SYT14: variants seen among roughly 807,000 people sequenced by gnomAD.
SYT14 encodes the protein synaptotagmin 14.
SYT14 carries 32 observed loss-of-function variants against 74.2 expected under a neutral mutation model. The observed-to-expected ratio is 0.43, with a 90% confidence interval of 0.33 to 0.58. The LOEUF is 0.58. Ranked by LOEUF, SYT14 falls within the 20% of genes least tolerant of loss-of-function variation. SYT14 has a pLI of 0.05. For missense variants in SYT14, 791 were observed against 981.8 expected (o/e 0.81, Z 2.60); for synonymous variants, 298 against 337.7 (o/e 0.88, Z 1.29).
At chr1:210,040,335 AG>A (rs1410097233) in intron 5 of SYT14, among the ~76,000 whole-genome samples, 5 of 152,032 alleles carry the variant, frequency 3.3e-5, no homozygotes, top group Admixed American at 3.3e-4. Context: ...ACATGGACAC[AG>A]GGAGGGGAAC....
intron 5 of SYT14, among the ~76,000 whole-genome samples, chr1:210,088,880 A>G (rs1319898222): frequency 6.6e-6 from 1 of 151,188 alleles, no homozygotes; most frequent in Non-Finnish European, 1.5e-5. Context: ...TCTCTTCAGG[A>G]TATTTTTTTT....
chr1:210,160,678 T>A (rs2083354741), intron 9 of SYT14, 51 bp from the exon 9 acceptor site: 1 of 1,542,996 alleles, frequency 6.5e-7, no homozygotes, highest in South Asian at 1.2e-5. Flanking sequence ...AAAAATTGTT[T>A]TGAGTTTGTT....
chr1:209,974,081 G>C (rs1465373818), intron 2 of SYT14, among the ~76,000 whole-genome samples: 2 of 150,818 alleles, frequency 1.3e-5, no homozygotes, highest in Non-Finnish European at 3.0e-5. Context: ...TTGTAAATTT[G>C]TTTGAGTTCA....
chr1:209,966,095 C>T (rs191227890), intron 2 of SYT14: 9 of 352,884 alleles, frequency 2.6e-5, no homozygotes, highest in Admixed American at 1.8e-4. Flanking sequence ...TGGTCTCGAT[C>T]GCTTGATCTC....
At chr1:210,158,587 G>A (rs371734611) in intron 8 of SYT14, among the ~76,000 whole-genome samples, 1 of 152,166 alleles carries the variant, frequency 6.6e-6, no homozygotes, top group Non-Finnish European at 1.5e-5. Context: ...GGGAGGTCTG[G>A]CCAAGCGCAG....
chr1:210,045,395 A>G (rs1406622399), intron 5 of SYT14, among the ~76,000 whole-genome samples: 1 of 152,178 alleles, frequency 6.6e-6, no homozygotes, highest in East Asian at 1.9e-4. Context: ...TTACATTTCA[A>G]ATTAACACAC....
intron 2 of SYT14, among the ~76,000 whole-genome samples, chr1:209,990,803 C>T (rs935309262): frequency 3.3e-5 from 5 of 151,738 alleles, no homozygotes; most frequent in Non-Finnish European, 7.4e-5. Flanking sequence ...GTTTCTTTCA[C>T]ATTCTTGTCA....
At chr1:210,088,353 T>G (rs2081784784) in intron 5 of SYT14, among the ~76,000 whole-genome samples, 1 of 150,476 alleles carries the variant, frequency 6.6e-6, no homozygotes, top group Admixed American at 6.6e-5. Flanking sequence ...TCCCCTAGCC[T>G]CCCACTTGCT....
intron 2 of SYT14, among the ~76,000 whole-genome samples, chr1:210,002,145 T>C (rs1487935985): frequency 6.6e-6 from 1 of 152,180 alleles, no homozygotes; most frequent in Non-Finnish European, 1.5e-5. Flanking sequence ...TATACATTTT[T>C]TTAGTTCTTT....
At chr1:210,094,437 C>T in exon 6 of SYT14, 1 of 1,613,918 alleles carries the variant, frequency 6.2e-7, no homozygotes, top group Non-Finnish European at 8.5e-7. Flanking sequence ...AAATTGGGGA[C>T]AGTAAATGTG....
intron 1 of SYT14, among the ~76,000 whole-genome samples, chr1:209,940,740 G>A (rs1445675679): frequency 6.6e-6 from 1 of 152,116 alleles, no homozygotes; most frequent in Non-Finnish European, 1.5e-5. Context: ...TCTGCCATTT[G>A]AAGACAGCTC....
intron 2 of SYT14, among the ~76,000 whole-genome samples, chr1:209,961,192 A>G (rs1359913173): frequency 6.6e-6 from 1 of 151,978 alleles, no homozygotes; most frequent in Non-Finnish European, 1.5e-5. Context: ...TGTTTCAGTT[A>G]TTTCTTTTGG....
intron 7 of SYT14, among the ~76,000 whole-genome samples, chr1:210,118,869 A>G (rs2082406953): frequency 6.6e-6 from 1 of 152,188 alleles, no homozygotes; most frequent in Non-Finnish European, 1.5e-5. Context: ...TTACAAATGA[A>G]AGAAATAGCA....
intron 1 of SYT14, among the ~76,000 whole-genome samples, chr1:209,943,010 A>G (rs2078760918): frequency 6.6e-6 from 1 of 152,180 alleles, no homozygotes; most frequent in African/African-American, 2.4e-5. Flanking sequence ...AATAATGAGA[A>G]GAATACTGAG....
chr1:209,976,499 T>C (rs2079367775), intron 2 of SYT14, among the ~76,000 whole-genome samples: 1 of 152,066 alleles, frequency 6.6e-6, no homozygotes, highest in South Asian at 2.1e-4. Flanking sequence ...TCAGTTTCCA[T>C]GTAGTTGAGC....
intron 2 of SYT14, among the ~76,000 whole-genome samples, chr1:209,986,626 A>T (rs1048046699): frequency 7.3e-5 from 11 of 150,834 alleles, no homozygotes; most frequent in Non-Finnish European, 1.3e-4. Flanking sequence ...AAAAAAAAAA[A>T]TTTCTTCCGC....
intron 7 of SYT14, among the ~76,000 whole-genome samples, chr1:210,138,495 T>G (rs2102661756): frequency 6.6e-6 from 1 of 152,320 alleles, no homozygotes; most frequent in Admixed American, 6.5e-5. Context: ...ATAAAGCCAC[T>G]TCTCCCATAT....
At chr1:210,072,508 A>G (rs2081413666) in intron 5 of SYT14, among the ~76,000 whole-genome samples, 1 of 152,054 alleles carries the variant, frequency 6.6e-6, no homozygotes, top group Non-Finnish European at 1.5e-5. Flanking sequence ...ATATTTTTCT[A>G]CTAAAGTAAG....
At chr1:210,130,150 C>A (rs563865859) in intron 7 of SYT14, among the ~76,000 whole-genome samples, 1 of 152,230 alleles carries the variant, frequency 6.6e-6, no homozygotes, top group African/African-American at 2.4e-5. Flanking sequence ...CAAACTGCAA[C>A]CAGCTAAACG....
Sources: gnomAD v4.1 joint callset for allele counts (sites outside exome capture counted in the v4.1 genomes callset) on GRCh38, gnomAD v4.1.1 for gene constraint, MANE v1.5 for transcripts, NCBI Gene and HGNC (gene_info 2026-07-23, HGNC 2026-07-21) for gene names.